Variants in SOX5 observed in about 807,000 individuals in gnomAD.
SOX5 encodes the protein SRY-box transcription factor 5, also known as transcription factor SOX-5.
A neutral mutation model predicts 92.0 loss-of-function variants in SOX5; 9 were observed. The observed-to-expected ratio is 0.10, with a 90% CI of 0.06 to 0.17. The LOEUF (loss-of-function observed/expected upper bound fraction) is 0.17, where lower values mean the gene tolerates loss of function less well. SOX5 is among the 10% of genes least tolerant of loss of function. The probability of loss-of-function intolerance (pLI) is 1.00; values close to 1 mark genes in which losing one functional copy is unlikely to be tolerated. For synonymous variants in SOX5, 344 were observed against 336.3 expected, an observed-to-expected ratio of 1.02 and a Z score of -0.25; for missense variants, 642 against 944.5, an observed-to-expected ratio of 0.68 and a Z score of 4.20.
intron 9 of SOX5, among the ~76,000 whole-genome samples, chr12:23,583,443 G>T (rs1223519132): frequency 1.3e-5 from 2 of 152,042 alleles, no homozygotes; most frequent in African/African-American, 4.8e-5. Flanking sequence ...AGGAATACTC[G>T]TGTCAACAAT....
chr12:24,111,676 TA>T (rs569932199), intron 4 of SOX5, among the ~76,000 whole-genome samples: 1 of 152,046 alleles, frequency 6.6e-6, no homozygotes, highest in East Asian at 1.9e-4. Flanking sequence ...ATATTTTATT[TA>T]AAAAAAGATT....
intron 10 of SOX5, among the ~76,000 whole-genome samples, chr12:23,574,707 A>G (rs1386406654): frequency 1.3e-5 from 2 of 152,144 alleles, no homozygotes; most frequent in African/African-American, 4.8e-5. Flanking sequence ...ATTTTTTTCT[A>G]CAATCTAGAC....
intron 4 of SOX5, among the ~76,000 whole-genome samples, chr12:24,033,834 C>G (rs1230022189): frequency 6.6e-6 from 1 of 152,022 alleles, no homozygotes; most frequent in Non-Finnish European, 1.5e-5. Context: ...ACAATGCTAC[C>G]TTACGCTAGC....
intron 1 of SOX5, among the ~76,000 whole-genome samples, chr12:24,486,160 C>T (rs1185105360): frequency 6.6e-6 from 1 of 152,146 alleles, no homozygotes; most frequent in Non-Finnish European, 1.5e-5. Flanking sequence ...CAGTCTCGAA[C>T]TCCTGGCCTT....
intron 2 of SOX5, among the ~76,000 whole-genome samples, chr12:24,330,435 CAG>C (rs1565919290): frequency 3.3e-5 from 5 of 152,168 alleles, no homozygotes; most frequent in East Asian, 1.9e-4. Context: ...GAGACAGTGA[CAG>C]AGAGAGAGGA....
intron 1 of SOX5, among the ~76,000 whole-genome samples, chr12:23,902,391 G>A (rs1345317104): frequency 4.0e-5 from 6 of 151,592 alleles, no homozygotes; most frequent in South Asian, 4.2e-4. Context: ...TTGTTCTTTC[G>A]GCATGATAAT....
chr12:23,633,276 T>C (rs371831836), intron 8 of SOX5, among the ~76,000 whole-genome samples: 2 of 152,080 alleles, frequency 1.3e-5, no homozygotes, highest in East Asian at 3.9e-4. Context: ...ATTAAAAATA[T>C]TCATGATGCC....
chr12:24,194,805 G>T (rs1956859623), intron 4 of SOX5, among the ~76,000 whole-genome samples: 1 of 151,906 alleles, frequency 6.6e-6, no homozygotes, highest in African/African-American at 2.4e-5. Flanking sequence ...GTCAAAAAAA[G>T]ACTTAAAAAA....
intron 3 of SOX5, among the ~76,000 whole-genome samples, chr12:23,816,204 TTTC>T (rs1385079799): frequency 1.7e-5 from 2 of 114,772 alleles, no homozygotes; most frequent in African/African-American, 6.2e-5. Context: ...TTGGACAAGA[TTTC>T]TTTTTTTTTT....
chr12:23,596,080 G>C (rs1021702277), intron 9 of SOX5, among the ~76,000 whole-genome samples: 3 of 152,098 alleles, frequency 2.0e-5, no homozygotes, highest in Admixed American at 6.5e-5. Flanking sequence ...TCCAACTTAA[G>C]CTTACATACC....
chr12:24,164,951 C>T (rs572005690), intron 4 of SOX5, among the ~76,000 whole-genome samples: 1 of 151,942 alleles, frequency 6.6e-6, no homozygotes, highest in East Asian at 1.9e-4. Flanking sequence ...TTTAAAAAGT[C>T]CAGAGTGTAA....
intron 4 of SOX5, among the ~76,000 whole-genome samples, chr12:24,077,566 C>T (rs1942780843): frequency 6.6e-6 from 1 of 151,642 alleles, no homozygotes; most frequent in Non-Finnish European, 1.5e-5. Context: ...CAAGGAGTAT[C>T]AGTGCCAAGA....
At chr12:24,369,622 A>G (rs984567966) in intron 1 of SOX5, among the ~76,000 whole-genome samples, 1 of 152,222 alleles carries the variant, frequency 6.6e-6, no homozygotes, top group Non-Finnish European at 1.5e-5. Context: ...CGCTGAATTT[A>G]ATCTGTCTCC....
rs763973565 is a variant in SOX5 at position 24,287,592 on chromosome 12, CTTTTTTTTTTTTT to C, written c.-173-10293_-173-10281del. On this transcript the variant is annotated intron_variant, in intron 2 of 4. Transcript: ENST00000446891. ...TCTTAAAAACAGTGATTCTCAAATC[CTTTTTTTTTTTTT>C]TTTTTTTTTTTTGCAGTGCCCCAGG... Among the ~76,000 whole-genome samples, 4 of 79,672 alleles carry C rather than the reference CTTTTTTTTTTTTT, an allele frequency of 5.0e-5. No individual in the cohort carries two copies. In the Admixed American group the frequency reaches 6.5e-4, roughly 13 times the overall value. The allele number at this position is 79,672 out of a possible 152,430, so 52.3% of individuals were successfully genotyped here. A position where few individuals can be genotyped will look rare whatever the true frequency, so the allele number is the denominator to read the frequency against.
chr12:24,494,041 G>A (rs1258149764), intron 1 of SOX5, among the ~76,000 whole-genome samples: 1 of 152,166 alleles, frequency 6.6e-6, no homozygotes, highest in East Asian at 1.9e-4. Flanking sequence ...CAGCTCTTTT[G>A]AAATAATGAT....
chr12:24,167,942 G>T (rs1265143394), intron 4 of SOX5, among the ~76,000 whole-genome samples: 1 of 152,186 alleles, frequency 6.6e-6, no homozygotes, highest in Non-Finnish European at 1.5e-5. Flanking sequence ...CGTTCTCACT[G>T]CCATCTGGCC....
intron 2 of SOX5, among the ~76,000 whole-genome samples, chr12:23,852,421 C>T (rs78565058): frequency 6.6e-6 from 1 of 151,802 alleles, no homozygotes; most frequent in South Asian, 2.1e-4. Context: ...TAATCCAGCC[C>T]GTATTTCAAA....
At chr12:24,044,218 T>C (rs1265821638) in intron 4 of SOX5, among the ~76,000 whole-genome samples, 1 of 152,214 alleles carries the variant, frequency 6.6e-6, no homozygotes, top group African/African-American at 2.4e-5. Context: ...AAGAACCTCC[T>C]ATATGTGTAT....
At chr12:23,846,268 G>A in intron 2 of SOX5, 75 bp from the exon 3 acceptor site, 1 of 1,153,628 alleles carries the variant, frequency 8.7e-7, no homozygotes, top group Non-Finnish European at 1.3e-6. Flanking sequence ...TTGTTTACCT[G>A]AAAGAGAAAG....
Sources: gnomAD v4.1 joint callset for allele counts (sites outside exome capture counted in the v4.1 genomes callset) on GRCh38, gnomAD v4.1.1 for gene constraint, MANE v1.5 for transcripts, NCBI Gene and HGNC (gene_info 2026-07-23, HGNC 2026-07-21) for gene names.